Variants in CAMK2G observed in about 807,000 individuals in gnomAD.
CAMK2G encodes the protein calcium/calmodulin dependent protein kinase II gamma, also known as calcium/calmodulin-dependent protein kinase type II subunit gamma.
In CAMK2G, 23 loss-of-function variants were observed where a neutral mutation model predicts 88.7. That is an observed-to-expected ratio of 0.26 (90% CI 0.19 to 0.37). CAMK2G has a LOEUF of 0.37. CAMK2G is among the 10% of genes least tolerant of loss of function. The pLI is 1.00. For synonymous variants in CAMK2G, 263 were observed against 294.8 expected, an observed-to-expected ratio of 0.89 and a Z score of 1.11; for missense variants, 476 against 780.8, an observed-to-expected ratio of 0.61 and a Z score of 4.65.
At chr10:73,865,411 A>G (rs780087881) in intron 2 of CAMK2G, among the ~76,000 whole-genome samples, 8 of 152,152 alleles carry the variant, frequency 5.3e-5, no homozygotes, top group Non-Finnish European at 1.0e-4. Flanking sequence ...CTCAATGAAC[A>G]GAGCAGTTTC....
intron 15 of CAMK2G, among the ~76,000 whole-genome samples, chr10:73,825,594 C>T (rs116372819): frequency 1.5e-4 from 23 of 152,298 alleles, no homozygotes; most frequent in African/African-American, 5.3e-4. Flanking sequence ...TTAAAGCATC[C>T]CTCCAGAAAT....
intron 17 of CAMK2G, 94 bp downstream of exon 17, chr10:73,823,946 T>C (rs1016384357): frequency 6.4e-6 from 6 of 942,646 alleles, no homozygotes; most frequent in South Asian, 1.3e-5. Flanking sequence ...TGCAAACACC[T>C]TGGCCTCAGG....
chr10:73,840,593 C>T (rs914871300), intron 12 of CAMK2G, among the ~76,000 whole-genome samples: 1 of 152,208 alleles, frequency 6.6e-6, no homozygotes, highest in Non-Finnish European at 1.5e-5. Flanking sequence ...GAACAGGAGG[C>T]TCTACAGGGA....
At position 73,848,755 on chromosome 10, in the gene CAMK2G, T is replaced by C; in HGVS notation, c.518-146A>G. 3.1e-6 allele frequency: 2 copies of C among 648,570 alleles called. No individual in the cohort carries two copies. Among genetic ancestry groups the C allele is most frequent in the Non-Finnish European group, 5.5e-6 (2 of 362,934 alleles). 40.2% of individuals were successfully genotyped at this position (648,570 alleles called of 1,614,324 possible). A position where few individuals can be genotyped will look rare whatever the true frequency, so the allele number is the denominator to read the frequency against. Reference sequence around the variant, plus strand: ...ACATGGGCAGCAAGAGCTGACAGGCTGGGCTTCTTGTAGCGCCTGGAATCT... The same window carrying C: ...ACATGGGCAGCAAGAGCTGACAGGCCGGGCTTCTTGTAGCGCCTGGAATCT... On this transcript the variant is annotated intron_variant, in intron 7 of 22. Coordinates refer to ENST00000423381, the MANE Select transcript of CAMK2G (RefSeq NM_001367534.1). This position sits in a 1 kb window ranked among gnomAD's most constrained non-coding sequence, Gnocchi z 4.5.
At position 73,852,896 on chromosome 10, in the gene CAMK2G, T is replaced by C. The variant is rs1043085622; in HGVS notation, c.275+296A>G. 9.8e-6 allele frequency: 4 copies of C among 409,104 alleles called. No individual in the cohort carries two copies. In the South Asian group the frequency reaches 1.7e-4, roughly 18 times the overall value. 25.3% of individuals were successfully genotyped at this position (409,104 alleles called of 1,614,324 possible). ...GGTCATGCAAAGAGCTGTCTTTTAT[T>C]TCTTCACTAAGGACAGCACACTGAG... On this transcript the variant is annotated intron_variant, in intron 4 of 22. Transcript: ENST00000423381.
intron 12 of CAMK2G, among the ~76,000 whole-genome samples, chr10:73,840,669 G>C (rs1003345546): frequency 6.6e-6 from 1 of 152,240 alleles, no homozygotes; most frequent in African/African-American, 2.4e-5. Flanking sequence ...CTGAAATGGA[G>C]GGGGAGGCTG....
intron 14 of CAMK2G, among the ~76,000 whole-genome samples, chr10:73,829,170 A>C (rs1400493447): frequency 6.6e-6 from 1 of 152,230 alleles, no homozygotes; most frequent in Non-Finnish European, 1.5e-5. Context: ...ATAATCAACG[A>C]AAGAGGCTAC....
At chr10:73,824,005 C>A in intron 17 of CAMK2G, 35 bp downstream of exon 17, 1 of 1,590,502 alleles carries the variant, frequency 6.3e-7, no homozygotes, top group Non-Finnish European at 8.6e-7. Flanking sequence ...TCCTGCTGAC[C>A]TGGAAAGCAG....
chr10:73,837,414 A>G, intron 14 of CAMK2G, 54 bp downstream of exon 14: 2 of 1,421,520 alleles, frequency 1.4e-6, no homozygotes, highest in East Asian at 2.3e-5. Flanking sequence ...AAGAATTCCC[A>G]TAGTGACTGC....
intron 14 of CAMK2G, among the ~76,000 whole-genome samples, chr10:73,831,433 G>A (rs2092412205): frequency 6.6e-6 from 1 of 151,420 alleles, no homozygotes; most frequent in Non-Finnish European, 1.5e-5. Context: ...AGCTACTTGG[G>A]AGGCTGAGGT....
chr10:73,833,403 G>C (rs1306615912), intron 14 of CAMK2G, among the ~76,000 whole-genome samples: 1 of 152,002 alleles, frequency 6.6e-6, no homozygotes, highest in Non-Finnish European at 1.5e-5. Context: ...CATTTTTATG[G>C]TTTTGACACA....
intron 19 of CAMK2G, 47 bp downstream of exon 19, chr10:73,819,485 G>A: frequency 7.3e-7 from 1 of 1,369,352 alleles, no homozygotes; most frequent in Non-Finnish European, 1.0e-6. Context: ...GGGGCTTCAG[G>A]ACGAGCCAGG....
chr10:73,824,072 T>A lies in CAMK2G; in HGVS notation c.1168A>T (p.Thr390Ser). 6.2e-7 allele frequency: 1 copy of A among 1,613,108 alleles called. No homozygotes were observed. Residue 390 changes from threonine (T) to serine (S), a missense_variant, in exon 17 of 23, where the codon ACT becomes TCT. By Grantham distance (58) the Thr-to-Ser change is moderately conservative. Coordinates refer to ENST00000423381, the MANE Select transcript of CAMK2G (RefSeq NM_001367534.1). Reference protein sequence around the residue: ...PLQTAMEPQTTVVHNATDGIK... With the variant: ...PLQTAMEPQTSVVHNATDGIK... ...CCATCTGTAGCGTTGTGTACCACAG[T>A]GGTTTGTGGCTCCTGTGAGAGAAGA...
At chr10:73,845,051 G>A (rs540363101) in intron 10 of CAMK2G, among the ~76,000 whole-genome samples, 4 of 152,200 alleles carry the variant, frequency 2.6e-5, no homozygotes, top group East Asian at 3.9e-4. Context: ...TGTAGTGGCC[G>A]TCTCTTCTCT....
At chr10:73,845,026 C>T (rs1431154773) in intron 10 of CAMK2G, among the ~76,000 whole-genome samples, 1 of 152,134 alleles carries the variant, frequency 6.6e-6, no homozygotes, top group Non-Finnish European at 1.5e-5. Context: ...CTCTCCCTAT[C>T]ATTAAATGCT....
At chr10:73,873,975 C>A (rs866327316) in intron 1 of CAMK2G, among the ~76,000 whole-genome samples, 1 of 150,954 alleles carries the variant, frequency 6.6e-6, no homozygotes, top group African/African-American at 2.4e-5. Flanking sequence ...AGCCCCCCCA[C>A]GCCCGGGCTC....
intron 14 of CAMK2G, among the ~76,000 whole-genome samples, chr10:73,834,964 G>T: frequency 6.6e-6 from 1 of 152,032 alleles, no homozygotes; most frequent in Admixed American, 6.6e-5. Flanking sequence ...AGAAGATACT[G>T]AAGTTCCCAG....
At chr10:73,840,928 C>T (rs1255514650) in intron 12 of CAMK2G, among the ~76,000 whole-genome samples, 1 of 152,244 alleles carries the variant, frequency 6.6e-6, no homozygotes, top group African/African-American at 2.4e-5. Flanking sequence ...CGGAGGCAGC[C>T]AGCCACGCTT....
intron 14 of CAMK2G, among the ~76,000 whole-genome samples, chr10:73,829,380 C>T (rs1490921099): frequency 6.6e-6 from 1 of 151,624 alleles, no homozygotes; most frequent in African/African-American, 2.4e-5. Flanking sequence ...CTGCAACCTC[C>T]GCCTCCCTGG....
Sources: allele counts gnomAD v4.1 joint callset (sites outside exome capture counted in the v4.1 genomes callset), GRCh38; gene constraint gnomAD v4.1.1; non-coding constraint Gnocchi (gnomAD v3.1); transcripts MANE v1.5; gene names NCBI Gene and HGNC (gene_info 2026-07-23, HGNC 2026-07-21).